The following TTLL5 variants were observed in gnomAD, a reference collection of about 807,000 sequenced individuals.
The protein encoded by TTLL5 is tubulin polyglutamylase TTLL5.
In TTLL5, 132 loss-of-function variants were observed where a neutral mutation model predicts 168.4. The observed-to-expected ratio is 0.78, with a 90% confidence interval of 0.68 to 0.91. The LOEUF is 0.91. TTLL5 is among the 40% of genes least tolerant of loss of function. The pLI, the probability that TTLL5 is intolerant of heterozygous loss-of-function variation, is 0.00. For missense variants in TTLL5, 1,545 were observed against 1,581.5 expected, an observed-to-expected ratio of 0.98 and a Z score of 0.39; for synonymous variants, 546 against 558.6, an observed-to-expected ratio of 0.98 and a Z score of 0.32.
At chr14:75,667,059 C>T (rs1421184234) in intron 2 of TTLL5, among the ~76,000 whole-genome samples, 1 of 151,798 alleles carries the variant, frequency 6.6e-6, no homozygotes, top group East Asian at 1.9e-4. Flanking sequence ...TTCGCATATT[C>T]CTTAAGTGCT....
At chr14:75,941,520 A>T (rs1351811592) in intron 31 of TTLL5, 2 of 152,186 alleles carry the variant, frequency 1.3e-5, no homozygotes, top group African/African-American at 4.8e-5. Context: ...TTTAGGTAAT[A>T]TTTTAAATTA....
chr14:75,904,516 G>A (rs1333685553), intron 31 of TTLL5, among the ~76,000 whole-genome samples: 1 of 152,126 alleles, frequency 6.6e-6, no homozygotes, highest in Non-Finnish European at 1.5e-5. Context: ...AAACTTGGGT[G>A]GTCAGGTGGG....
At chr14:75,709,214 AAAG>A in intron 9 of TTLL5, 1 of 762,494 alleles carries the variant, frequency 1.3e-6, no homozygotes. Flanking sequence ...ACCATGGATA[AAAG>A]AAGGCTACCT....
intron 31 of TTLL5, among the ~76,000 whole-genome samples, chr14:75,935,416 C>G (rs1049155027): frequency 1.3e-5 from 2 of 152,148 alleles, no homozygotes; most frequent in African/African-American, 4.8e-5. Flanking sequence ...CTTGGGTGAG[C>G]CTTTAAGAGA....
intron 30 of TTLL5, among the ~76,000 whole-genome samples, chr14:75,900,449 G>A (rs1462839301): frequency 2.0e-5 from 3 of 152,136 alleles, no homozygotes; most frequent in Non-Finnish European, 4.4e-5. Context: ...GACTCTCCAG[G>A]TGCACCTCAT....
At chr14:75,831,821 G>A (rs1208285433) in intron 28 of TTLL5, among the ~76,000 whole-genome samples, 1 of 152,196 alleles carries the variant, frequency 6.6e-6, no homozygotes, top group African/African-American at 2.4e-5. Context: ...TGGCTGTTGG[G>A]AGGGCAAATA....
intron 18 of TTLL5, among the ~76,000 whole-genome samples, chr14:75,756,617 C>A: frequency 6.6e-6 from 1 of 151,838 alleles, no homozygotes; most frequent in Non-Finnish European, 1.5e-5. Context: ...AAGTGATTCT[C>A]CTGCCTCAGC....
At chr14:75,914,033 A>AAAAAAATATATATAT in intron 31 of TTLL5, among the ~76,000 whole-genome samples, 2 of 71,102 alleles carry the variant, frequency 2.8e-5, no homozygotes, top group Non-Finnish European at 2.1e-5. Context: ...AAAAAAAAAA[A>AAAAAAATATATATAT]ATATATATAT....
chr14:75,673,866 G>A (rs1019811819), intron 3 of TTLL5, among the ~76,000 whole-genome samples: 1 of 152,148 alleles, frequency 6.6e-6, no homozygotes, highest in African/African-American at 2.4e-5. Flanking sequence ...AAGGGAAGTG[G>A]TTCATTCATG....
intron 31 of TTLL5, among the ~76,000 whole-genome samples, chr14:75,936,772 G>T (rs2034445478): frequency 6.6e-6 from 1 of 152,176 alleles, no homozygotes; most frequent in Non-Finnish European, 1.5e-5. Flanking sequence ...TCAAGAGGAT[G>T]TGGAATTAAC....
chr14:75,827,003 T>A (rs1010649345), intron 28 of TTLL5, among the ~76,000 whole-genome samples: 5 of 152,190 alleles, frequency 3.3e-5, no homozygotes, highest in Non-Finnish European at 5.9e-5. Flanking sequence ...TGCTCTTTTT[T>A]AAGAGGTCTC....
intron 29 of TTLL5, among the ~76,000 whole-genome samples, chr14:75,880,445 A>G (rs1227576708): frequency 1.3e-5 from 2 of 152,194 alleles, no homozygotes; most frequent in Non-Finnish European, 2.9e-5. Flanking sequence ...TTAACTAACA[A>G]CATTTTATCC....
At chr14:75,909,619 C>T (rs2033286428) in intron 31 of TTLL5, among the ~76,000 whole-genome samples, 1 of 152,148 alleles carries the variant, frequency 6.6e-6, no homozygotes, top group African/African-American at 2.4e-5. Flanking sequence ...CCGTATCCAA[C>T]ATGTACATTC....
chr14:75,879,835 A>G (rs118086649), intron 29 of TTLL5, among the ~76,000 whole-genome samples: 2,403 of 152,270 alleles, frequency 0.016, 31 homozygotes, highest in Middle Eastern at 0.041. Flanking sequence ...AGCCCAATCT[A>G]ATAGGAATCC....
chr14:75,671,031 T>C (rs887858032), intron 3 of TTLL5, among the ~76,000 whole-genome samples: 2 of 152,200 alleles, frequency 1.3e-5, no homozygotes, highest in African/African-American at 2.4e-5. Context: ...GTTTAAGCTC[T>C]TATATTTAGG....
chr14:75,904,927 A>G (rs2033085472), intron 31 of TTLL5, among the ~76,000 whole-genome samples: 1 of 152,210 alleles, frequency 6.6e-6, no homozygotes. Flanking sequence ...AGCATTAGTA[A>G]CTAAATCTGT....
At chr14:75,866,331 C>T (rs1237991860) in intron 29 of TTLL5, among the ~76,000 whole-genome samples, 1 of 152,140 alleles carries the variant, frequency 6.6e-6, no homozygotes, top group African/African-American at 2.4e-5. Flanking sequence ...CTTTAGATAG[C>T]AATGGTACTT....
intron 31 of TTLL5, among the ~76,000 whole-genome samples, chr14:75,925,038 G>T (rs1168374810): frequency 1.4e-5 from 2 of 147,940 alleles, no homozygotes; most frequent in Non-Finnish European, 1.5e-5. Flanking sequence ...AGGGGCGGCC[G>T]GGCAGAGGCG....
At chr14:75,865,253 T>G (rs1282187019) in intron 29 of TTLL5, among the ~76,000 whole-genome samples, 1 of 149,850 alleles carries the variant, frequency 6.7e-6, no homozygotes, top group Non-Finnish European at 1.5e-5. Context: ...TACAAATGTG[T>G]GTCTTAGTTG....
Sources: allele counts gnomAD v4.1 joint callset (sites outside exome capture counted in the v4.1 genomes callset), GRCh38; gene constraint gnomAD v4.1.1; transcripts MANE v1.5; gene names NCBI Gene and HGNC (gene_info 2026-07-23, HGNC 2026-07-21).